LRRTM4: variants seen among roughly 807,000 people sequenced by gnomAD.
The protein encoded by LRRTM4 is leucine-rich repeat transmembrane neuronal protein 4.
LRRTM4 carries 25 observed loss-of-function variants against 47.6 expected under a neutral mutation model. The observed-to-expected ratio is 0.53, with a 90% CI of 0.38 to 0.73. LRRTM4 has a LOEUF of 0.73. Ranked by LOEUF, LRRTM4 falls within the 30% of genes least tolerant of loss-of-function variation. LRRTM4 has a pLI of 0.00. For missense variants in LRRTM4, 638 were observed against 713.4 expected (o/e 0.89, Z 1.20); for synonymous variants, 311 against 269.5 (o/e 1.15, Z -1.51).
chr2:77,164,950 A>C lies in LRRTM4; in HGVS notation c.1551+353368T>G, dbSNP rs184675331. ...CATTCAAAAGCTAGCAGAAGGCAAG[A>C]AATAACTAAGATTAGAGCAGAACTG... On this transcript the variant is annotated intron_variant, in intron 3 of 3. Transcript: ENST00000409884. Among the ~76,000 whole-genome samples the C allele has an allele frequency of 4.1e-3, 623 of 152,310 alleles. 4 individuals are homozygous for C. Among genetic ancestry groups the C allele is most frequent in the African/African-American group, 0.014 (602 of 41,568 alleles).
rs536597541 is a variant in LRRTM4, at chr2:76,780,740, A to C, written c.1552-31824T>G. 5.3e-5 allele frequency among the ~76,000 whole-genome samples: 8 copies of C among 152,146 alleles called. No homozygotes were observed. In the South Asian group the frequency reaches 1.7e-3, roughly 32 times the overall value. On this transcript the variant is annotated intron_variant, in intron 3 of 3. Transcript: ENST00000409884. ...TAGCTCAGAGTAATTTGATTGTCTG[A>C]AGTCTTCTTCTCTCAGCTTGTCAAA...
chr2:77,152,211 C>T (rs2103787217), intron 3 of LRRTM4, among the ~76,000 whole-genome samples: 1 of 152,272 alleles, frequency 6.6e-6, no homozygotes, highest in East Asian at 1.9e-4. Flanking sequence ...TGTGTGGGGC[C>T]TGCCATTTGA....
intron 3 of LRRTM4, among the ~76,000 whole-genome samples, chr2:77,108,174 T>A (rs1443004155): frequency 1.3e-5 from 2 of 151,692 alleles, no homozygotes; most frequent in Non-Finnish European, 2.9e-5. Context: ...ATGCAAGAGC[T>A]CAGATATTGC....
chr2:77,079,490 A>G (rs1680460423), intron 3 of LRRTM4, among the ~76,000 whole-genome samples: 1 of 152,182 alleles, frequency 6.6e-6, no homozygotes, highest in Non-Finnish European at 1.5e-5. Context: ...CACAACACAA[A>G]CGTATAAACT....
chr2:76,851,169 G>A (rs1671982039), intron 3 of LRRTM4, among the ~76,000 whole-genome samples: 1 of 152,122 alleles, frequency 6.6e-6, no homozygotes, highest in South Asian at 2.1e-4. Flanking sequence ...AATTTCAGGT[G>A]ATTTACAGAG....
At chr2:77,124,958 A>G (rs79818773) in intron 3 of LRRTM4, among the ~76,000 whole-genome samples, 4,818 of 152,296 alleles carry the variant, frequency 0.032, 238 homozygotes, top group African/African-American at 0.1. Context: ...TTCTGAGCCT[A>G]GTTAAGCAGG....
At chr2:76,882,484 G>T (rs1375199354) in intron 3 of LRRTM4, among the ~76,000 whole-genome samples, 1 of 151,720 alleles carries the variant, frequency 6.6e-6, no homozygotes, top group Non-Finnish European at 1.5e-5. Flanking sequence ...TTGAGCTTAG[G>T]AGTTCGAGAC....
At chr2:76,773,762 T>G (rs1015060958) in intron 3 of LRRTM4, among the ~76,000 whole-genome samples, 1 of 150,958 alleles carries the variant, frequency 6.6e-6, no homozygotes, top group African/African-American at 2.4e-5. Context: ...AGTAAACAAA[T>G]AGAAATCTAA....
chr2:77,204,749 C>A (rs1176331907), intron 3 of LRRTM4, among the ~76,000 whole-genome samples: 1 of 152,078 alleles, frequency 6.6e-6, no homozygotes, highest in Non-Finnish European at 1.5e-5. Context: ...AAGGTAGCAG[C>A]CTCTTCAACT....
In LRRTM4 at chr2:77,048,122, A is replaced by G. The variant is rs757237366; in HGVS notation, c.1552-299206T>C. On this transcript the variant is annotated intron_variant, in intron 3 of 3. Coordinates refer to ENST00000409884, the MANE Select transcript of LRRTM4 (RefSeq NM_001134745.3). Reference sequence around the variant, plus strand: ...ATGAAAATAAAGTCAAATGCAGACAATGGAAGATATTATGTTAGGGAAAAA... The same window carrying G: ...ATGAAAATAAAGTCAAATGCAGACAGTGGAAGATATTATGTTAGGGAAAAA... Among the ~76,000 whole-genome samples, 14 of 152,050 alleles carry G rather than the reference A, an allele frequency of 9.2e-5. No individual in the cohort carries two copies. In the South Asian group the frequency reaches 1.0e-3, roughly 11 times the overall value.
At chr2:76,931,925 A>G (rs1030170076) in intron 3 of LRRTM4, among the ~76,000 whole-genome samples, 3 of 152,154 alleles carry the variant, frequency 2.0e-5, no homozygotes, top group Non-Finnish European at 4.4e-5. Context: ...AGAAAGGAGG[A>G]TGGGCAGAAC....
At chr2:76,894,236 C>T (rs1673339904) in intron 3 of LRRTM4, among the ~76,000 whole-genome samples, 1 of 151,966 alleles carries the variant, frequency 6.6e-6, no homozygotes, top group Non-Finnish European at 1.5e-5. Context: ...TTACTTAAGG[C>T]ATTCATGCAC....
At chr2:77,074,038 GT>G (rs879804602) in intron 3 of LRRTM4, among the ~76,000 whole-genome samples, 1 of 151,718 alleles carries the variant, frequency 6.6e-6, no homozygotes, top group Non-Finnish European at 1.5e-5. Flanking sequence ...CCCCTACATT[GT>G]TTAAAAAGTT....
intron 3 of LRRTM4, among the ~76,000 whole-genome samples, chr2:76,899,620 G>A (rs1463284109): frequency 1.3e-5 from 2 of 152,084 alleles, no homozygotes; most frequent in Admixed American, 1.3e-4. Flanking sequence ...AGTTAGTGTA[G>A]CTGAAAGGGA....
chr2:76,942,535 C>T (rs550109370), intron 3 of LRRTM4, among the ~76,000 whole-genome samples: 1 of 147,414 alleles, frequency 6.8e-6, no homozygotes, highest in African/African-American at 2.5e-5. Flanking sequence ...AGAGTTTCAG[C>T]CAGATAAAAT....
At chr2:76,859,808 T>C (rs1672259210) in intron 3 of LRRTM4, among the ~76,000 whole-genome samples, 1 of 152,178 alleles carries the variant, frequency 6.6e-6, no homozygotes, top group African/African-American at 2.4e-5. Context: ...GGTTGTGACC[T>C]GAACTTCTTC....
At chr2:76,959,878 GGTTTT>G (rs1402778560) in intron 3 of LRRTM4, among the ~76,000 whole-genome samples, 1 of 151,318 alleles carries the variant, frequency 6.6e-6, no homozygotes, top group Non-Finnish European at 1.5e-5. Context: ...ACCCTTATTT[GGTTTT>G]ATTATTATTT....
At chr2:77,009,051 A>G (rs547837441) in intron 3 of LRRTM4, 1 of 152,140 alleles carries the variant, frequency 6.6e-6, no homozygotes, top group East Asian at 1.9e-4. Context: ...TTTTACAATC[A>G]TTTGAAATTC....
Position 77,032,367 on chromosome 2 carries a change from C to CTGTTT in LRRTM4, c.1552-283456_1552-283452dup, listed in dbSNP as rs1678690551. On this transcript the variant is annotated intron_variant, in intron 3 of 3. Coordinates refer to ENST00000409884, the MANE Select transcript of LRRTM4 (RefSeq NM_001134745.3). ...TTATTCTATTTCCCTGTTAATTTTC[C>CTGTTT]TGTTTTCCTCACAGCATTTACCATT... is the stretch of plus-strand genomic sequence containing the variant. Among the ~76,000 whole-genome samples the CTGTTT allele has an allele frequency of 5.3e-5, 8 of 152,140 alleles. No homozygotes were observed. In the South Asian group the frequency reaches 1.7e-3, roughly 32 times the overall value.
Sources: gnomAD v4.1 joint callset for allele counts (sites outside exome capture counted in the v4.1 genomes callset) on GRCh38, gnomAD v4.1.1 for gene constraint, MANE v1.5 for transcripts, NCBI Gene and HGNC (gene_info 2026-07-23, HGNC 2026-07-21) for gene names.